The following WWOX variants were observed in gnomAD, a reference collection of about 807,000 sequenced individuals.
WWOX encodes the protein WW domain-containing oxidoreductase.
A neutral mutation model predicts 46.2 loss-of-function variants in WWOX; 69 were observed. That is an observed-to-expected ratio of 1.49 (90% CI 1.23 to 1.82). The LOEUF (loss-of-function observed/expected upper bound fraction) is 1.82, where lower values mean the gene tolerates loss of function less well. WWOX is among the 40% of genes most tolerant of loss of function. The pLI, the probability that WWOX is intolerant of heterozygous loss-of-function variation, is 0.00. For missense variants in WWOX, 919 were observed against 542.6 expected, an observed-to-expected ratio of 1.69 and a Z score of -6.89; for synonymous variants, 359 against 202.6, an observed-to-expected ratio of 1.77 and a Z score of -6.56.
chr16:78,324,771 C>G (rs930886470), intron 5 of WWOX, among the ~76,000 whole-genome samples: 9 of 98,572 alleles, frequency 9.1e-5, no homozygotes, highest in South Asian at 7.5e-4. Context: ...AGTGATGACT[C>G]AGGGCTGGGG....
At chr16:78,390,635 T>C (rs1320214329) in intron 6 of WWOX, among the ~76,000 whole-genome samples, 4 of 152,222 alleles carry the variant, frequency 2.6e-5, no homozygotes, top group Non-Finnish European at 4.4e-5. Flanking sequence ...AAATCTCTCT[T>C]GGATAGGCAG....
intron 8 of WWOX, among the ~76,000 whole-genome samples, chr16:78,971,072 CATATGT>C (rs1567448522): frequency 6.6e-6 from 1 of 151,898 alleles, no homozygotes; most frequent in Non-Finnish European, 1.5e-5. Context: ...TATATGTATA[CATATGT>C]ATATGTATAT....
intron 1 of WWOX, among the ~76,000 whole-genome samples, chr16:78,102,539 T>A (rs1166511726): frequency 6.6e-6 from 1 of 152,182 alleles, no homozygotes; most frequent in African/African-American, 2.4e-5. Flanking sequence ...GGAGGCAAGC[T>A]CCTGAGCGGG....
chr16:78,440,643 G>A (rs1213055467), intron 8 of WWOX, among the ~76,000 whole-genome samples: 3 of 149,710 alleles, frequency 2.0e-5, no homozygotes, highest in Non-Finnish European at 4.4e-5. Context: ...TTGAGACGGA[G>A]TGTCTCTCCG....
At chr16:78,772,243 C>A (rs932284498) in intron 8 of WWOX, among the ~76,000 whole-genome samples, 2 of 152,146 alleles carry the variant, frequency 1.3e-5, no homozygotes, top group Non-Finnish European at 2.9e-5. Flanking sequence ...TTCTTTGTGT[C>A]CTTGAGTTTT....
intron 8 of WWOX, among the ~76,000 whole-genome samples, chr16:78,745,730 C>T (rs1235848540): frequency 6.6e-6 from 1 of 151,128 alleles, no homozygotes; most frequent in African/African-American, 2.4e-5. Context: ...TTCTTCTTTT[C>T]CTCCTCCTTC....
chr16:78,638,816 G>T (rs1342134635), intron 8 of WWOX, among the ~76,000 whole-genome samples: 1 of 152,144 alleles, frequency 6.6e-6, no homozygotes, highest in Non-Finnish European at 1.5e-5. Context: ...ATAATTAGGA[G>T]ATTTCACAGT....
intron 8 of WWOX, among the ~76,000 whole-genome samples, chr16:78,769,290 G>T (rs1261446891): frequency 6.6e-6 from 1 of 152,090 alleles, no homozygotes. Flanking sequence ...TCGTCCATCC[G>T]TCTGTCCATC....
At chr16:78,583,602 C>T (rs2045117550) in intron 8 of WWOX, among the ~76,000 whole-genome samples, 1 of 152,290 alleles carries the variant, frequency 6.6e-6, no homozygotes. Context: ...CATTCATCTT[C>T]CCAAGCTGGG....
chr16:78,998,671 A>G (rs1473307834), intron 8 of WWOX, among the ~76,000 whole-genome samples: 2 of 152,242 alleles, frequency 1.3e-5, no homozygotes, highest in Non-Finnish European at 2.9e-5. Context: ...CGGCTAGCAC[A>G]GTGCTCAGCA....
chr16:79,112,192 G>T (rs547391856), intron 8 of WWOX, among the ~76,000 whole-genome samples: 2 of 152,078 alleles, frequency 1.3e-5, no homozygotes, highest in Admixed American at 6.6e-5. Flanking sequence ...TTCTTTCTTT[G>T]TAAGTATTAT....
chr16:79,130,350 A>T lies in WWOX; in HGVS notation c.1057-81258A>T, dbSNP rs573046104. 2.6e-5 allele frequency among the ~76,000 whole-genome samples: 4 copies of T among 152,362 alleles called. No individual in the cohort carries two copies. In the East Asian group the frequency reaches 7.7e-4, roughly 29 times the overall value. ...AATTAAATATAAAATAACATACAGC[A>T]TGATGATTAATACAACTAATAAATA... is the stretch of plus-strand genomic sequence containing the variant. On this transcript the variant is annotated intron_variant, in intron 8 of 8. Transcript: ENST00000566780.
chr16:79,212,437 TTTAGAGA>T lies in WWOX; in HGVS notation c.*645_*651del, dbSNP rs899652288. 26 of 290,322 alleles carry T rather than the reference TTTAGAGA, an allele frequency of 9.0e-5. No individual in the cohort carries two copies. The highest frequency in any genetic ancestry group is 3.9e-5 in the Non-Finnish European group (6 of 154,968). The allele number at this position is 290,322 out of a possible 1,614,324, so 18.0% of individuals were successfully genotyped here. A position where few individuals can be genotyped will look rare whatever the true frequency, so the allele number is the denominator to read the frequency against. The stretch of plus-strand genomic sequence containing the variant: ...TTTGCTAATGCTATGCAAAAAATTC[TTTAGAGA>T]TTATAACAAATTTTTCAAATCATTC... On this transcript the variant is annotated 3_prime_UTR_variant, in exon 9 of 9. Coordinates refer to ENST00000566780, the MANE Select transcript of WWOX (RefSeq NM_016373.4).
chr16:78,998,749 C>G (rs1164260844), intron 8 of WWOX, among the ~76,000 whole-genome samples: 1 of 152,224 alleles, frequency 6.6e-6, no homozygotes. Flanking sequence ...AAGGTGGAAA[C>G]AAGCGTTGCT....
chr16:79,148,463 A>G (rs773209976), intron 8 of WWOX, among the ~76,000 whole-genome samples: 3 of 152,270 alleles, frequency 2.0e-5, no homozygotes, highest in South Asian at 2.1e-4. Context: ...CTTCATTACT[A>G]TAGCTATGTA....
chr16:79,101,337 C>G (rs546890032), intron 8 of WWOX: 1 of 152,296 alleles, frequency 6.6e-6, no homozygotes, highest in South Asian at 2.1e-4. Flanking sequence ...TCTGCTGACA[C>G]AAGATCGTTC....
intron 7 of WWOX, 88 bp downstream of exon 7, chr16:78,425,143 C>T (rs932587405): frequency 8.3e-6 from 13 of 1,559,596 alleles, no homozygotes; most frequent in South Asian, 1.1e-5. Context: ...AAATAATTTT[C>T]ATTAGTCCTG....
chr16:78,118,724 C>A (rs918048356), intron 4 of WWOX, among the ~76,000 whole-genome samples: 4 of 152,126 alleles, frequency 2.6e-5, no homozygotes, highest in African/African-American at 7.2e-5. Context: ...GTTAGATACT[C>A]CAGTTCATTG....
chr16:78,336,416 G>A (rs993078079), intron 5 of WWOX, among the ~76,000 whole-genome samples: 6 of 144,090 alleles, frequency 4.2e-5, no homozygotes. Context: ...TGAGGCAGGA[G>A]AATCTCTTGA....
Sources: allele counts gnomAD v4.1 joint callset (sites outside exome capture counted in the v4.1 genomes callset), GRCh38; gene constraint gnomAD v4.1.1; transcripts MANE v1.5; gene names NCBI Gene and HGNC (gene_info 2026-07-23, HGNC 2026-07-21).